Variants in GPC3 observed in about 807,000 individuals in gnomAD.
GPC3 encodes the protein glypican 3.
Under a neutral mutation model 34.4 loss-of-function variants are expected in GPC3, and 3 were observed. The observed-to-expected ratio is 0.09, with a 90% CI of 0.04 to 0.23. The LOEUF (loss-of-function observed/expected upper bound fraction) is 0.23. Ranked by LOEUF, GPC3 falls within the 10% of genes least tolerant of loss-of-function variation. The pLI is 1.00. For synonymous variants in GPC3, 177 were observed against 174.0 expected (o/e 1.02, Z -0.13); for missense variants, 351 against 445.6 (o/e 0.79, Z 1.91).
At chrX:133,941,617 C>T (rs1249745642) in intron 2 of GPC3, among the ~76,000 whole-genome samples, 3 of 112,063 alleles carry the variant, frequency 2.7e-5, no homozygotes, top group African/African-American at 9.7e-5. Flanking sequence ...TACCTATTTC[C>T]ACACAGCTGG....
chrX:133,772,484 A>G (rs986646602), intron 2 of GPC3, among the ~76,000 whole-genome samples: 2 of 111,547 alleles, frequency 1.8e-5, no homozygotes, highest in Non-Finnish European at 3.8e-5. Flanking sequence ...TCATCAGCAC[A>G]TTTGGGTTGA....
chrX:133,537,713 C>A (rs753179756), intron 7 of GPC3, among the ~76,000 whole-genome samples: 8 of 111,845 alleles, frequency 7.2e-5, no homozygotes, highest in Non-Finnish European at 1.5e-4. Context: ...TAATATAAGG[C>A]GACATCTCAA....
chrX:133,658,818 C>T (rs2070691887), intron 6 of GPC3, among the ~76,000 whole-genome samples: 1 of 111,997 alleles, frequency 8.9e-6, no homozygotes, highest in Non-Finnish European at 1.9e-5. Flanking sequence ...CGACTTTTCT[C>T]ACTCTATGTA....
chrX:133,561,080 C>G (rs2069536580), intron 7 of GPC3, among the ~76,000 whole-genome samples: 1 of 112,079 alleles, frequency 8.9e-6, no homozygotes. Flanking sequence ...ACCATGCTGC[C>G]CATCATCAAC....
intron 2 of GPC3, among the ~76,000 whole-genome samples, chrX:133,867,064 G>A (rs1398946591): frequency 9.1e-6 from 1 of 110,457 alleles, no homozygotes; most frequent in African/African-American, 3.3e-5. Flanking sequence ...TGGGCATGGT[G>A]GTGCACGCCT....
In GPC3 at chrX:133,571,153, G is replaced by A. The variant is rs558918642; in HGVS notation, c.1573+25287C>T. On this transcript the variant is annotated intron_variant, in intron 7 of 7. Coordinates refer to ENST00000370818, the MANE Select transcript of GPC3 (RefSeq NM_004484.4). Reference sequence around the variant, plus strand: ...ACCTTATAAATCTACAAGTGAGAACGGTTTCTCTGACAAAAGGCAATATTG... The same window carrying A: ...ACCTTATAAATCTACAAGTGAGAACAGTTTCTCTGACAAAAGGCAATATTG... Among the ~76,000 whole-genome samples, 5 of 111,295 alleles carry A rather than the reference G, an allele frequency of 4.5e-5. No homozygotes were observed. In the South Asian group the frequency reaches 1.1e-3, roughly 25 times the overall value.
intron 5 of GPC3, among the ~76,000 whole-genome samples, chrX:133,665,656 C>G (rs2070761598): frequency 1.8e-5 from 2 of 112,307 alleles, no homozygotes; most frequent in Admixed American, 1.9e-4. Context: ...CATGAATACA[C>G]AGATCACCAA....
chrX:133,686,209 G>C (rs927655632), intron 5 of GPC3, among the ~76,000 whole-genome samples: 3 of 111,315 alleles, frequency 2.7e-5, no homozygotes, highest in Non-Finnish European at 5.6e-5. Flanking sequence ...CATTGCAAAG[G>C]ATTACAGAGA....
intron 1 of GPC3, among the ~76,000 whole-genome samples, chrX:133,964,682 C>G (rs2076455486): frequency 9.0e-6 from 1 of 111,624 alleles, no homozygotes; most frequent in African/African-American, 3.3e-5. Context: ...GAAATTTATT[C>G]TCTCACAGCT....
chrX:133,542,800 T>A (rs193063581), intron 7 of GPC3, among the ~76,000 whole-genome samples: 152 of 111,730 alleles, frequency 1.4e-3, no homozygotes, highest in African/African-American at 4.7e-3. Flanking sequence ...TTCATTGCAA[T>A]ACTGCTCACT....
intron 2 of GPC3, among the ~76,000 whole-genome samples, chrX:133,820,374 T>C (rs951009659): frequency 8.9e-6 from 1 of 112,163 alleles, no homozygotes; most frequent in African/African-American, 3.2e-5. Context: ...TAACATTAGA[T>C]GATGCAGTTT....
rs747174912 is a variant in GPC3, at chrX:133,875,955, A to G, written c.337+77095T>C. Among the ~76,000 whole-genome samples the G allele has an allele frequency of 8.9e-5, 10 of 111,825 alleles. No homozygotes were observed. The South Asian group carries it at 3.8e-3, about 42-fold the overall frequency. ...TATTATCACTATTTGATTTCAGTAT[A>G]AGTGCCTTGATTAAAAAAAATTGTC... is the stretch of plus-strand genomic sequence containing the variant. On this transcript the variant is annotated intron_variant, in intron 2 of 7. Transcript: ENST00000370818.
At chrX:133,624,549 A>G (rs1427455602) in intron 6 of GPC3, among the ~76,000 whole-genome samples, 1 of 112,065 alleles carries the variant, frequency 8.9e-6, no homozygotes, top group Non-Finnish European at 1.9e-5. Flanking sequence ...CAAATAAACT[A>G]GAAAATCTAG....
At chrX:133,751,624 A>C in intron 3 of GPC3, among the ~76,000 whole-genome samples, 1 of 112,041 alleles carries the variant, frequency 8.9e-6, no homozygotes, top group Non-Finnish European at 1.9e-5. Flanking sequence ...AATTACTCCT[A>C]GAGTTTAAAG....
chrX:133,843,010 A>C (rs986668398), intron 2 of GPC3, among the ~76,000 whole-genome samples: 2 of 111,402 alleles, frequency 1.8e-5, no homozygotes, highest in African/African-American at 6.5e-5. Flanking sequence ...TTGCCAGGCT[A>C]TAAGGATATT....
intron 2 of GPC3, among the ~76,000 whole-genome samples, chrX:133,950,938 G>C (rs1320943556): frequency 9.0e-6 from 1 of 110,632 alleles, no homozygotes; most frequent in Non-Finnish European, 1.9e-5. Context: ...AATGAGTACC[G>C]ATGGTGACAA....
chrX:133,902,996 G>C (rs2076151267), intron 2 of GPC3, among the ~76,000 whole-genome samples: 2 of 111,178 alleles, frequency 1.8e-5, no homozygotes, highest in African/African-American at 6.5e-5. Flanking sequence ...TGCAATCCCA[G>C]CACTTTGGGA....
intron 2 of GPC3, among the ~76,000 whole-genome samples, chrX:133,757,821 A>G (rs1478976455): frequency 8.9e-6 from 1 of 112,039 alleles, no homozygotes; most frequent in Admixed American, 9.5e-5. Context: ...CGGAAGGAAG[A>G]AAAGTAATAT....
chrX:133,715,230 C>T (rs1207627446), intron 3 of GPC3, among the ~76,000 whole-genome samples: 1 of 111,973 alleles, frequency 8.9e-6, no homozygotes, highest in Non-Finnish European at 1.9e-5. Context: ...ACATCAGACT[C>T]CAAGTTCTTC....
Sources: allele counts gnomAD v4.1 joint callset (sites outside exome capture counted in the v4.1 genomes callset), GRCh38; gene constraint gnomAD v4.1.1; transcripts MANE v1.5; gene names NCBI Gene and HGNC (gene_info 2026-07-23, HGNC 2026-07-21).